The following KLHL1 variants were observed in gnomAD, a reference collection of about 807,000 sequenced individuals.
KLHL1 encodes the protein kelch-like protein 1.
Under a neutral mutation model 77.7 loss-of-function variants are expected in KLHL1, and 47 were observed. The observed-to-expected ratio is 0.60, with a 90% CI of 0.48 to 0.77. The LOEUF is 0.77. Ranked by LOEUF, KLHL1 falls within the 30% of genes least tolerant of loss-of-function variation. The pLI, the probability that KLHL1 is intolerant of heterozygous loss-of-function variation, is 0.00. For missense variants in KLHL1, 925 were observed against 910.8 expected, an observed-to-expected ratio of 1.02 and a Z score of -0.20; for synonymous variants, 360 against 325.2, an observed-to-expected ratio of 1.11 and a Z score of -1.15.
chr13:70,067,076 G>GC (rs1887026277), intron 1 of KLHL1, among the ~76,000 whole-genome samples: 1 of 152,052 alleles, frequency 6.6e-6, no homozygotes, highest in African/African-American at 2.4e-5. Context: ...TCCAGTTTCC[G>GC]CAAGATTCAG....
chr13:69,971,085 A>C (rs532364738), intron 2 of KLHL1, among the ~76,000 whole-genome samples: 1 of 152,266 alleles, frequency 6.6e-6, no homozygotes, highest in South Asian at 2.1e-4. Flanking sequence ...TCATTATTTC[A>C]GTACCCAGAT....
intron 1 of KLHL1, among the ~76,000 whole-genome samples, chr13:70,048,549 G>A (rs60970532): frequency 5.3e-5 from 8 of 152,278 alleles, no homozygotes; most frequent in African/African-American, 1.7e-4. Flanking sequence ...GACCAGTTTC[G>A]TGGAAAGCAA....
chr13:70,028,977 G>GC lies in KLHL1; in HGVS notation c.498-53176_498-53175insG, dbSNP rs1190635107. Among the ~76,000 whole-genome samples the GC allele has an allele frequency of 1.2e-4, 10 of 82,538 alleles. No individual in the cohort carries two copies. In the Admixed American group the frequency reaches 1.4e-3, roughly 12 times the overall value. The allele number at this position is 82,538 out of a possible 152,430, so 54.1% of individuals were successfully genotyped here. ...AGCTTGGATGACAGAGTGAAAACTT[G>GC]TTAAAAAAAAAAAAAAATCACTATT... On this transcript the variant is annotated intron_variant, in intron 1 of 10. Coordinates refer to ENST00000377844, the MANE Select transcript of KLHL1 (RefSeq NM_020866.3).
At chr13:69,981,711 AT>A (rs1187477221) in intron 1 of KLHL1, among the ~76,000 whole-genome samples, 1 of 151,934 alleles carries the variant, frequency 6.6e-6, no homozygotes, top group Non-Finnish European at 1.5e-5. Context: ...ATGTTCACAT[AT>A]TTTATATCAG....
intron 9 of KLHL1, among the ~76,000 whole-genome samples, chr13:69,717,811 C>T (rs1392934135): frequency 1.3e-5 from 2 of 151,996 alleles, no homozygotes; most frequent in African/African-American, 2.4e-5. Flanking sequence ...AAAGCATAAA[C>T]CTATTTATTA....
At chr13:70,079,905 T>A (rs1388253168) in intron 1 of KLHL1, among the ~76,000 whole-genome samples, 3 of 152,160 alleles carry the variant, frequency 2.0e-5, no homozygotes, top group Admixed American at 6.5e-5. Context: ...AGTGAAGAGT[T>A]TTTTAGAACT....
rs547084282 is a variant in KLHL1 at position 70,101,827 on chromosome 13, G to A, written c.497+5376C>T. Among the ~76,000 whole-genome samples, 14 of 152,124 alleles carry A rather than the reference G, an allele frequency of 9.2e-5. No homozygotes were observed. The East Asian group carries it at 2.7e-3, about 29-fold the overall frequency. On this transcript the variant is annotated intron_variant, in intron 1 of 10. Coordinates refer to ENST00000377844, the MANE Select transcript of KLHL1 (RefSeq NM_020866.3). ...TGTGGACTCCTGGGTAGAACACCAT[G>A]TAACGTTTATAAATTCATCCTAACA...
intron 1 of KLHL1, among the ~76,000 whole-genome samples, chr13:69,997,177 C>A (rs868013876): frequency 6.6e-6 from 1 of 151,390 alleles, no homozygotes; most frequent in Admixed American, 6.6e-5. Flanking sequence ...GCCAATATCA[C>A]GCCACTGCAC....
intron 4 of KLHL1, among the ~76,000 whole-genome samples, chr13:69,909,846 CTTGTT>C (rs1882176641): frequency 6.6e-6 from 1 of 151,772 alleles, no homozygotes; most frequent in South Asian, 2.1e-4. Flanking sequence ...ACTGTTTTTG[CTTGTT>C]TTGTTTTGTT....
intron 2 of KLHL1, among the ~76,000 whole-genome samples, chr13:69,968,494 T>G (rs185923358): frequency 6.7e-6 from 1 of 148,702 alleles, no homozygotes. Context: ...GGAGAAGACT[T>G]AAAAAAAAAT....
intron 7 of KLHL1, among the ~76,000 whole-genome samples, chr13:69,774,227 C>G (rs1481832827): frequency 6.6e-6 from 1 of 151,690 alleles, no homozygotes; most frequent in African/African-American, 2.4e-5. Flanking sequence ...TATACAAACT[C>G]ACAGATACAA....
At chr13:70,061,539 C>T (rs944192383) in intron 1 of KLHL1, among the ~76,000 whole-genome samples, 1 of 152,140 alleles carries the variant, frequency 6.6e-6, no homozygotes, top group African/African-American at 2.4e-5. Context: ...CTTGGATCCT[C>T]AAGCTGTGCC....
intron 1 of KLHL1, among the ~76,000 whole-genome samples, chr13:70,053,657 A>G (rs1166657009): frequency 2.0e-5 from 3 of 152,130 alleles, no homozygotes; most frequent in Admixed American, 6.6e-5. Context: ...TCAATAAATT[A>G]TCTTCCAAGG....
intron 6 of KLHL1, among the ~76,000 whole-genome samples, chr13:69,833,607 T>C (rs1878853946): frequency 6.6e-6 from 1 of 152,024 alleles, no homozygotes; most frequent in South Asian, 2.1e-4. Flanking sequence ...CAATACTGGA[T>C]ATCTACCTAG....
chr13:69,869,125 A>C (rs1880483048), intron 5 of KLHL1, among the ~76,000 whole-genome samples: 1 of 152,274 alleles, frequency 6.6e-6, no homozygotes, highest in African/African-American at 2.4e-5. Flanking sequence ...TGGTTGTAAT[A>C]TAAAAGAAAA....
chr13:70,091,776 C>T (rs1451218039), intron 1 of KLHL1, among the ~76,000 whole-genome samples: 1 of 152,130 alleles, frequency 6.6e-6, no homozygotes, highest in Non-Finnish European at 1.5e-5. Flanking sequence ...CATTCTACTT[C>T]TACAAGTAAG....
At chr13:69,869,352 A>G (rs1880494730) in intron 5 of KLHL1, among the ~76,000 whole-genome samples, 1 of 151,976 alleles carries the variant, frequency 6.6e-6, no homozygotes, top group African/African-American at 2.4e-5. Flanking sequence ...TATGTGCACT[A>G]TTTTCTTAAT....
chr13:70,035,227 C>T (rs935320040), intron 1 of KLHL1, among the ~76,000 whole-genome samples: 20 of 152,018 alleles, frequency 1.3e-4, no homozygotes, highest in Non-Finnish European at 2.1e-4. Flanking sequence ...TTGTGGTACA[C>T]ATACACAGTG....
intron 1 of KLHL1, among the ~76,000 whole-genome samples, chr13:69,983,463 C>T (rs1342887257): frequency 6.6e-6 from 1 of 151,214 alleles, no homozygotes; most frequent in Non-Finnish European, 1.5e-5. Context: ...ATACTGTGCT[C>T]GGTGCGGTGG....
Sources: allele counts gnomAD v4.1 joint callset (sites outside exome capture counted in the v4.1 genomes callset), GRCh38; gene constraint gnomAD v4.1.1; transcripts MANE v1.5; gene names NCBI Gene and HGNC (gene_info 2026-07-23, HGNC 2026-07-21).